The following PHF12 variants were observed in gnomAD, a reference collection of about 807,000 sequenced individuals.
PHF12 encodes the protein PHD finger protein 12, also known as PHD factor 1.
In PHF12, 6 loss-of-function variants were observed where a neutral mutation model predicts 99.8. The observed-to-expected ratio is 0.06, with a 90% CI of 0.03 to 0.12. PHF12 has a LOEUF of 0.12. PHF12 is among the 10% of genes least tolerant of loss of function. The probability of loss-of-function intolerance (pLI) is 1.00; values close to 1 mark genes in which losing one functional copy is unlikely to be tolerated. For missense variants in PHF12, 954 were observed against 1,300.1 expected (o/e 0.73, Z 4.09); for synonymous variants, 480 against 514.9 (o/e 0.93, Z 0.92).
chr17:28,921,338 ATT>A (rs937432824), intron 5 of PHF12, among the ~76,000 whole-genome samples: 1 of 151,038 alleles, frequency 6.6e-6, no homozygotes, highest in Non-Finnish European at 1.5e-5. Context: ...CATTAAAAAA[ATT>A]TTTTTTTGTA....
intron 2 of PHF12, among the ~76,000 whole-genome samples, chr17:28,931,699 A>G (rs1290596244): frequency 6.6e-6 from 1 of 150,938 alleles, no homozygotes; most frequent in Non-Finnish European, 1.5e-5. Flanking sequence ...CTCCTGCCTC[A>G]GCCTCCCGAG....
chr17:28,912,822 C>A lies in PHF12; in HGVS notation c.1749G>T (p.Arg583=), dbSNP rs778909214. 53 of 1,607,440 alleles carry A rather than the reference C, an allele frequency of 3.3e-5. No individual in the cohort carries two copies. Among genetic ancestry groups the A allele is most frequent in the Non-Finnish European group, 4.4e-5 (52 of 1,175,976 alleles). The change falls in exon 9 of 15, where the codon CGG becomes CGT. Residue 583 remains arginine (R), a synonymous_variant. Transcript: ENST00000332830. ...CCCCAGCCGCTGGTGGCGTGAGGGG[C>A]CGGGGCCAGCCTTGCCGGTGTGAGA... The part of the protein sequence containing the change: ...PGLSHRQGWP[R]PLTPPAAGGL...
chr17:28,939,509 G>T (rs1567969563), intron 2 of PHF12, among the ~76,000 whole-genome samples: 1 of 152,234 alleles, frequency 6.6e-6, no homozygotes, highest in Non-Finnish European at 1.5e-5. Flanking sequence ...CTCTAAAGCT[G>T]AGAATCAGCA....
chr17:28,921,183 C>T (rs1428147908), intron 5 of PHF12, among the ~76,000 whole-genome samples: 1 of 150,682 alleles, frequency 6.6e-6, no homozygotes, highest in Non-Finnish European at 1.5e-5. Context: ...AGCGCCCGGC[C>T]CCTTGTTTTT....
At chr17:28,908,622 TTG>T in intron 12 of PHF12, 159 bp downstream of exon 12, 2 of 679,018 alleles carry the variant, frequency 2.9e-6, no homozygotes, top group Non-Finnish European at 5.0e-6. Flanking sequence ...GACTGGCTGA[TTG>T]TCTCTATTCT....
In PHF12 at chr17:28,921,683, A is replaced by G; in HGVS notation, c.836+5T>C. 6.2e-7 allele frequency: 1 copy of G among 1,613,844 alleles called. No homozygotes were observed. The highest frequency in any genetic ancestry group is 1.3e-5 in the African/African-American group (1 of 75,038). On this transcript the variant is annotated splice_donor_5th_base_variant and intron_variant, in intron 5 of 14. Transcript: ENST00000332830. ...GAAAGAGCCCCTTAGTATGAAAGAA[A>G]ATACCTGTTACACGTGAAGCAGACT...
intron 2 of PHF12, among the ~76,000 whole-genome samples, chr17:28,940,825 T>C (rs2040599325): frequency 6.6e-6 from 1 of 152,162 alleles, no homozygotes; most frequent in Non-Finnish European, 1.5e-5. Context: ...TTTCTGAAAT[T>C]TGGTCTAGGA....
chr17:28,927,071 G>C lies in PHF12; in HGVS notation c.249-8C>G, dbSNP rs761958248. The C allele has an allele frequency of 5.0e-6, 8 of 1,612,274 alleles. No individual in the cohort carries two copies. The South Asian group carries it at 8.8e-5, about 18-fold the overall frequency. On this transcript the variant is annotated splice_region_variant and splice_polypyrimidine_tract_variant and intron_variant, in intron 2 of 14. Transcript: ENST00000332830. ...TCACTCAGTGGAGGGTTACTGTGGG[G>C]AACAGACAAGGGCAAGACTAAATAA...
intron 7 of PHF12, among the ~76,000 whole-genome samples, chr17:28,914,671 C>CAAAAAAAAAAAAAA (rs61203588): frequency 3.3e-5 from 1 of 30,344 alleles, no homozygotes; most frequent in African/African-American, 9.5e-5. Context: ...GACTCCGTCT[C>CAAAAAAAAAAAAAA]AAAAAAAAAA....
At chr17:28,908,674 C>G (rs1448000903) in intron 12 of PHF12, 109 bp downstream of exon 12, 2 of 1,048,492 alleles carry the variant, frequency 1.9e-6, no homozygotes, top group Non-Finnish European at 2.9e-6. Flanking sequence ...TTAAAGCAGT[C>G]AACTCTGGAA....
chr17:28,934,976 T>C (rs1163995059), intron 2 of PHF12, among the ~76,000 whole-genome samples: 1 of 152,248 alleles, frequency 6.6e-6, no homozygotes, highest in Non-Finnish European at 1.5e-5. Flanking sequence ...TTGTCTTCTG[T>C]ACCTGAACTG....
rs2039872643 is a variant in PHF12, at chr17:28,906,443, G to A, written c.2755C>T (p.Pro919Ser). The change falls in exon 15 of 15, where the codon CCG becomes TCG. Residue 919 changes from proline to serine, a missense_variant. Pro to Ser is a moderately conservative substitution (Grantham distance 74). Coordinates refer to ENST00000332830, the MANE Select transcript of PHF12 (RefSeq NM_001033561.2). The surrounding 1 kb of genome is among the most constrained non-coding windows in gnomAD (Gnocchi z 4.2). ...TTGCAATTGCAGGGTCTCCGCTGCG[G>A]CCCCTGGGCCTGGGAACTCATCATG... is the stretch of plus-strand genomic sequence containing the variant. ...AAMMSSQAQG[P>S]QRRPCNCKAS... 1.2e-6 allele frequency: 2 copies of A among 1,613,932 alleles called. No individual in the cohort carries two copies. The highest frequency in any genetic ancestry group is 1.7e-5 in the Admixed American group (1 of 60,006).
intron 5 of PHF12, among the ~76,000 whole-genome samples, chr17:28,920,735 G>A (rs1003736995): frequency 6.6e-6 from 1 of 151,488 alleles, no homozygotes; most frequent in East Asian, 1.9e-4. Flanking sequence ...GCTAATTTTT[G>A]TATTTTTAGT....
Position 28,950,890 on chromosome 17 carries a change from C to G in PHF12, c.66+5G>C. Reference sequence around the variant, plus strand: ...GAGGAAGGAGATGAGGAGGGCCACTCTTACCTCCATCAGCCCCCCTGATGT... The same window carrying G: ...GAGGAAGGAGATGAGGAGGGCCACTGTTACCTCCATCAGCCCCCCTGATGT... On this transcript the variant is annotated splice_donor_5th_base_variant and intron_variant, in intron 1 of 14. Transcript: ENST00000332830. This position sits in a 1 kb window ranked among gnomAD's most constrained non-coding sequence, Gnocchi z 5.7. 6.2e-7 allele frequency: 1 copy of G among 1,613,678 alleles called. No homozygotes were observed.
At chr17:28,927,146 A>G in intron 2 of PHF12, 83 bp from the exon 3 acceptor site, 3 of 1,306,044 alleles carry the variant, frequency 2.3e-6, no homozygotes, top group Non-Finnish European at 2.2e-6. Flanking sequence ...GCATGTTCCT[A>G]AACTCCTATT....
chr17:28,916,530 G>A (rs912046759), intron 7 of PHF12, among the ~76,000 whole-genome samples: 5 of 152,198 alleles, frequency 3.3e-5, no homozygotes, highest in African/African-American at 1.2e-4. Context: ...CTGCCACCAA[G>A]TGGCCATACT....
rs1164382565 is a variant in PHF12, at chr17:28,917,435, ATTC to A, written c.981_983del (p.Lys327del). 1.9e-6 allele frequency: 3 copies of A among 1,610,098 alleles called. No individual in the cohort carries two copies. In the African/African-American group the frequency reaches 4.0e-5, roughly 22 times the overall value. On this transcript the variant is annotated inframe_deletion, in exon 7 of 15. Transcript: ENST00000332830. Reference sequence around the variant, plus strand: ...CCTGGCACCGATTGCTCAGTGTCATATTCTTCTGGTTCAGCTAGGGACAAAGCA... The same window carrying A: ...CCTGGCACCGATTGCTCAGTGTCATATTCTGGTTCAGCTAGGGACAAAGCA...
In PHF12 at chr17:28,951,233, C is replaced by T; in HGVS notation, c.-273G>A. On this transcript the variant is annotated 5_prime_UTR_variant, in exon 1 of 15. Coordinates refer to ENST00000332830, the MANE Select transcript of PHF12 (RefSeq NM_001033561.2). ...CCCGGCTCCGGGGGTCAGGCCTCGG[C>T]GGGGCCTAGTCCCACAGGCTAAAGC... 1 of 1,329,464 alleles carries T rather than the reference C, an allele frequency of 7.5e-7. No homozygotes were observed. Among genetic ancestry groups the T allele is most frequent in the Non-Finnish European group, 9.6e-7 (1 of 1,038,168 alleles). 82.4% of individuals were successfully genotyped at this position (1,329,464 alleles called of 1,614,324 possible).
In PHF12 at chr17:28,951,072, A is replaced by T. The variant is rs908684803; in HGVS notation, c.-112T>A. On this transcript the variant is annotated 5_prime_UTR_variant, in exon 1 of 15. Coordinates refer to ENST00000332830, the MANE Select transcript of PHF12 (RefSeq NM_001033561.2). ...ACCCCGGCCCCGCTTTTTTCCCAATACGGGTCCCGACTTCCTCGCCCTGGC... is the reference window on the plus strand; with the variant it reads ...ACCCCGGCCCCGCTTTTTTCCCAATTCGGGTCCCGACTTCCTCGCCCTGGC... 1 of 1,533,564 alleles carries T rather than the reference A, an allele frequency of 6.5e-7. No homozygotes were observed. The highest frequency in any genetic ancestry group is 1.4e-5 in the African/African-American group (1 of 72,712). The allele number at this position is 1,533,564 out of a possible 1,614,324, so 95.0% of individuals were successfully genotyped here. A position where few individuals can be genotyped will look rare whatever the true frequency, so the allele number is the denominator to read the frequency against.
Sources: gnomAD v4.1 joint callset for allele counts (sites outside exome capture counted in the v4.1 genomes callset) on GRCh38, gnomAD v4.1.1 for gene constraint, Gnocchi (gnomAD v3.1) non-coding constraint, MANE v1.5 for transcripts, NCBI Gene and HGNC (gene_info 2026-07-23, HGNC 2026-07-21) for gene names.